ZNF423: variants seen among roughly 807,000 people sequenced by gnomAD.
ZNF423 encodes Ebf-associated zinc finger protein.
A neutral mutation model predicts 95.8 loss-of-function variants in ZNF423; 12 were observed. The observed-to-expected ratio is 0.13, with a 90% CI of 0.08 to 0.20. The LOEUF (loss-of-function observed/expected upper bound fraction) is 0.20. ZNF423 is among the 10% of genes least tolerant of loss of function. The pLI, the probability that ZNF423 is intolerant of heterozygous loss-of-function variation, is 1.00. For synonymous variants in ZNF423, 749 were observed against 711.9 expected, an observed-to-expected ratio of 1.05 and a Z score of -0.83; for missense variants, 1,316 against 1,737.1, an observed-to-expected ratio of 0.76 and a Z score of 4.31.
intron 5 of ZNF423, among the ~76,000 whole-genome samples, chr16:49,532,746 T>C (rs957204499): frequency 6.6e-6 from 1 of 152,226 alleles, no homozygotes; most frequent in African/African-American, 2.4e-5. Flanking sequence ...TATCTTTTTT[T>C]GATCTGTGGG....
chr16:49,528,761 CA>C (rs1968721589), intron 5 of ZNF423, among the ~76,000 whole-genome samples: 1 of 151,106 alleles, frequency 6.6e-6, no homozygotes, highest in African/African-American at 2.4e-5. Context: ...TCCAGGAAAA[CA>C]GGGGGAGGGC....
chr16:49,571,824 G>A (rs1407063771), intron 5 of ZNF423, among the ~76,000 whole-genome samples: 1 of 152,194 alleles, frequency 6.6e-6, no homozygotes, highest in Non-Finnish European at 1.5e-5. Context: ...ACAGGCAGCT[G>A]CCCTCCTAGA....
At chr16:49,613,300 T>C (rs1178503044) in intron 5 of ZNF423, among the ~76,000 whole-genome samples, 5 of 152,248 alleles carry the variant, frequency 3.3e-5, no homozygotes, top group African/African-American at 1.2e-4. Flanking sequence ...ATCAAGACTA[T>C]ATTGTATTTG....
At chr16:49,813,779 C>T (rs1472751717) in intron 1 of ZNF423, among the ~76,000 whole-genome samples, 3 of 152,222 alleles carry the variant, frequency 2.0e-5, no homozygotes, top group South Asian at 4.1e-4. Flanking sequence ...GACAGGAAAC[C>T]AGCACAGTGG....
chr16:49,775,934 T>C (rs1435448700), intron 2 of ZNF423, among the ~76,000 whole-genome samples: 1 of 152,244 alleles, frequency 6.6e-6, no homozygotes, highest in East Asian at 1.9e-4. Flanking sequence ...CTAACCCTGA[T>C]AACCAAACCT....
intron 3 of ZNF423, among the ~76,000 whole-genome samples, chr16:49,699,061 T>C (rs896297899): frequency 6.6e-6 from 1 of 152,212 alleles, no homozygotes; most frequent in Non-Finnish European, 1.5e-5. Context: ...TTTTACATAG[T>C]TTTTGGATTT....
At chr16:49,701,526 G>A (rs974228036) in intron 3 of ZNF423, among the ~76,000 whole-genome samples, 1 of 152,072 alleles carries the variant, frequency 6.6e-6, no homozygotes, top group African/African-American at 2.4e-5. Context: ...GACCCCAAAC[G>A]GTTAATGATA....
Position 49,637,915 on chromosome 16 carries a change from A to G in ZNF423, c.1261T>C (p.Tyr421His). The G allele has an allele frequency of 6.2e-7, 1 of 1,614,142 alleles. No homozygotes were observed. Among genetic ancestry groups the G allele is most frequent in the Non-Finnish European group, 8.5e-7 (1 of 1,180,028 alleles). The part of the protein sequence containing the change: ...GWTKVVYSCP[Y>H]CSKRDFNSLA... The stretch of plus-strand genomic sequence containing the variant: ...CTGTTAAAGTCCCGCTTGGAACAAT[A>G]GGGGCAGCTATAGACCACCTTGGTC... The change falls in exon 4 of 8, where the codon TAT becomes CAT. Residue 421 changes from tyrosine (Y) to histidine (H), a missense_variant. Tyr to His is a moderately conservative substitution (Grantham distance 83, BLOSUM62 2). Around this residue, in one of 6 missense-constraint regions of ZNF423, gnomAD observed 399 missense variants for 478.5 expected, o/e 0.83. Coordinates refer to ENST00000563137, the MANE Select transcript of ZNF423 (RefSeq NM_001379286.1). This position sits in a 1 kb window ranked among gnomAD's most constrained non-coding sequence, Gnocchi z 5.6.
At chr16:49,786,992 A>G (rs1466890791) in intron 2 of ZNF423, among the ~76,000 whole-genome samples, 2 of 152,236 alleles carry the variant, frequency 1.3e-5, no homozygotes, top group African/African-American at 2.4e-5. Context: ...CCAAGCCCAC[A>G]GAGAAATTAT....
At chr16:49,680,704 A>G (rs1555470969) in intron 3 of ZNF423, among the ~76,000 whole-genome samples, 1 of 152,244 alleles carries the variant, frequency 6.6e-6, no homozygotes, top group Non-Finnish European at 1.5e-5. Context: ...AGCAGCCAGC[A>G]TGCCTGGCTG....
intron 5 of ZNF423, among the ~76,000 whole-genome samples, chr16:49,585,088 T>G (rs1449417425): frequency 6.6e-6 from 1 of 152,158 alleles, no homozygotes; most frequent in Non-Finnish European, 1.5e-5. Flanking sequence ...CCCTGACTGT[T>G]TCTCCCCAGC....
chr16:49,493,172 G>A (rs1272969375), intron 7 of ZNF423, among the ~76,000 whole-genome samples: 6 of 151,670 alleles, frequency 4.0e-5, no homozygotes, highest in Non-Finnish European at 4.4e-5. Context: ...GTGGGGAGCC[G>A]AATCCACACT....
At chr16:49,725,204 A>G (rs776845245) in intron 3 of ZNF423, among the ~76,000 whole-genome samples, 5 of 152,146 alleles carry the variant, frequency 3.3e-5, no homozygotes, top group Non-Finnish European at 7.3e-5. Flanking sequence ...GCAACATAGC[A>G]AGACCTCATC....
chr16:49,641,129 T>A (rs1488525576), intron 3 of ZNF423, among the ~76,000 whole-genome samples: 1 of 152,182 alleles, frequency 6.6e-6, no homozygotes, highest in East Asian at 1.9e-4. Context: ...TTCTCACAAC[T>A]GCAAATGAGT....
chr16:49,619,916 A>T (rs1972000636), intron 5 of ZNF423, among the ~76,000 whole-genome samples: 1 of 151,860 alleles, frequency 6.6e-6, no homozygotes, highest in Admixed American at 6.6e-5. Flanking sequence ...ACTGACTTCC[A>T]CTCCAGACTG....
chr16:49,723,836 C>T (rs1391269870), intron 3 of ZNF423, among the ~76,000 whole-genome samples: 4 of 152,198 alleles, frequency 2.6e-5, no homozygotes, highest in Non-Finnish European at 5.9e-5. Flanking sequence ...CCTCCACTGT[C>T]GTGCAGGGAC....
chr16:49,773,136 T>A (rs1483269872), intron 2 of ZNF423, among the ~76,000 whole-genome samples: 1 of 152,142 alleles, frequency 6.6e-6, no homozygotes, highest in Non-Finnish European at 1.5e-5. Context: ...CTGGCCAACA[T>A]GGCAAAACCC....
At chr16:49,602,481 T>C (rs1364708967) in intron 5 of ZNF423, among the ~76,000 whole-genome samples, 1 of 152,120 alleles carries the variant, frequency 6.6e-6, no homozygotes, top group Non-Finnish European at 1.5e-5. Flanking sequence ...AAGGTGTCCA[T>C]AGACCAGGGC....
chr16:49,610,161 C>T (rs892595956), intron 5 of ZNF423, among the ~76,000 whole-genome samples: 3 of 152,076 alleles, frequency 2.0e-5, no homozygotes, highest in Non-Finnish European at 4.4e-5. Context: ...GAATGCGTCA[C>T]CAGCAGAATC....
Sources: allele counts gnomAD v4.1 joint callset (sites outside exome capture counted in the v4.1 genomes callset), GRCh38; gene constraint gnomAD v4.1.1; regional missense constraint gnomAD v4.1.1; non-coding constraint Gnocchi (gnomAD v3.1); transcripts MANE v1.5; gene names NCBI Gene and HGNC (gene_info 2026-07-23, HGNC 2026-07-21).